SCAP: variants seen among roughly 807,000 people sequenced by gnomAD.
The protein encoded by SCAP is sterol regulatory element-binding protein cleavage-activating protein.
Under a neutral mutation model 123.6 loss-of-function variants are expected in SCAP, and 65 were observed. The ratio of observed to expected loss-of-function variants is 0.53; its 90% confidence interval spans 0.43 to 0.65. SCAP has a LOEUF of 0.65. Among genes scored for constraint, SCAP ranks in the 30% least tolerant of loss-of-function variants. The pLI is 0.00. For synonymous variants in SCAP, 740 were observed against 726.3 expected (o/e 1.02, Z -0.30); for missense variants, 1,398 against 1,712.5 (o/e 0.82, Z 3.24).
At chr3:47,471,257 A>G (rs188892792) in intron 1 of SCAP, among the ~76,000 whole-genome samples, 3 of 152,344 alleles carry the variant, frequency 2.0e-5, no homozygotes, top group Admixed American at 6.5e-5. Context: ...ATAAAATAAA[A>G]TAAGAATAAG....
intron 2 of SCAP, among the ~76,000 whole-genome samples, chr3:47,438,968 T>A (rs927963080): frequency 6.6e-6 from 1 of 152,106 alleles, no homozygotes; most frequent in Admixed American, 6.6e-5. Flanking sequence ...AGGAAGACAG[T>A]GAATAATAAC....
upstream of SCAP, among the ~76,000 whole-genome samples, chr3:47,476,417 A>AAAAAACC (rs1005007953): frequency 2.0e-5 from 3 of 152,186 alleles, no homozygotes; most frequent in Admixed American, 6.5e-5. Context: ...GACAAAAAAC[A>AAAAAACC]AAAAACCCAC....
At chr3:47,434,474 G>A (rs1013010885) in intron 3 of SCAP, among the ~76,000 whole-genome samples, 10 of 152,204 alleles carry the variant, frequency 6.6e-5, no homozygotes, top group Admixed American at 6.5e-4. Context: ...GTTCGGCCCA[G>A]AGACAGTCAA....
Position 47,423,801 on chromosome 3 carries a change from C to T in SCAP, c.1150+132G>A, listed in dbSNP as rs1706010917. ...GCTGCCAGGGCCCAGTGGCCCACTG[C>T]ATATTATGCCGGAGGCAAGAGCAAG... On this transcript the variant is annotated intron_variant, in intron 9 of 22. Coordinates refer to ENST00000265565, the MANE Select transcript of SCAP (RefSeq NM_012235.4). 15 of 680,986 alleles carry T rather than the reference C, an allele frequency of 2.2e-5. No homozygotes were observed. The South Asian group carries it at 2.6e-4, about 12-fold the overall frequency. The allele number at this position is 680,986 out of a possible 1,614,324, so 42.2% of individuals were successfully genotyped here.
At chr3:47,432,553 C>A (rs906898503) in intron 3 of SCAP, among the ~76,000 whole-genome samples, 2 of 152,152 alleles carry the variant, frequency 1.3e-5, no homozygotes, top group East Asian at 3.8e-4. Flanking sequence ...ATGCAATAAA[C>A]GAGTGCTGAA....
chr3:47,447,550 T>A (rs1179712329), intron 1 of SCAP, among the ~76,000 whole-genome samples: 1 of 151,928 alleles, frequency 6.6e-6, no homozygotes, highest in East Asian at 1.9e-4. Flanking sequence ...TGGCTGGGTG[T>A]GGTGGCGAGT....
At chr3:47,455,797 C>T (rs1270734476) in intron 1 of SCAP, among the ~76,000 whole-genome samples, 4 of 152,078 alleles carry the variant, frequency 2.6e-5, no homozygotes, top group African/African-American at 9.7e-5. Flanking sequence ...ACTAAACAAA[C>T]TTCAAGTTTA....
chr3:47,418,740 G>C lies in SCAP; in HGVS notation c.2044C>G (p.Pro682Ala). ...PQDGRSAWPP[P>A]GPIPAGHWEA... is the part of the protein sequence containing the mutation. ...CAGTGCCCAGCAGGTATGGGCCCCG[G>C]TGGGGGCCAGGCACTGCGGCCGTCC... Residue 682 changes from proline (P) to alanine (A), a missense_variant, in exon 14 of 23, where the codon CCG becomes GCG. Transcript: ENST00000265565. 1 of 1,601,164 alleles carries C rather than the reference G, an allele frequency of 6.2e-7. No homozygotes were observed. The highest frequency in any genetic ancestry group is 8.5e-7 in the Non-Finnish European group (1 of 1,175,360).
At chr3:47,443,706 G>T (rs1706914545) in intron 1 of SCAP, among the ~76,000 whole-genome samples, 1 of 152,164 alleles carries the variant, frequency 6.6e-6, no homozygotes, top group African/African-American at 2.4e-5. Context: ...AGTTGTTCCT[G>T]GGAGTGCAAA....
chr3:47,463,419 G>A (rs1463256442), intron 1 of SCAP, among the ~76,000 whole-genome samples: 4 of 152,166 alleles, frequency 2.6e-5, no homozygotes, highest in Non-Finnish European at 5.9e-5. Context: ...CACTCCAGTG[G>A]GCCGGGGTGC....
At chr3:47,421,831 T>G (rs1397445395) in intron 10 of SCAP, among the ~76,000 whole-genome samples, 1 of 152,270 alleles carries the variant, frequency 6.6e-6, no homozygotes, top group African/African-American at 2.4e-5. Flanking sequence ...CTGCAACTCC[T>G]TCTGGAATGG....
Position 47,458,982 on chromosome 3 carries a change from T to A in SCAP, c.-98-15891A>T, listed in dbSNP as rs531985127. On this transcript the variant is annotated intron_variant, in intron 1 of 22. Transcript: ENST00000265565. Reference sequence around the variant, plus strand: ...CACCATGCCTGGCTAATTTTTTATTTTCAGTAGAGATGGGGTTTCACCATG... The same window carrying A: ...CACCATGCCTGGCTAATTTTTTATTATCAGTAGAGATGGGGTTTCACCATG... Among the ~76,000 whole-genome samples, 41 of 152,282 alleles carry A rather than the reference T, an allele frequency of 2.7e-4. No individual in the cohort carries two copies. In the Middle Eastern group the frequency reaches 0.01, roughly 38 times the overall value.
intron 2 of SCAP, among the ~76,000 whole-genome samples, chr3:47,438,932 C>T (rs1056984040): frequency 2.6e-5 from 4 of 151,962 alleles, no homozygotes; most frequent in African/African-American, 9.7e-5. Context: ...TCTGCTTGTG[C>T]TTTCTGGCTG....
intron 1 of SCAP, among the ~76,000 whole-genome samples, chr3:47,454,299 C>T (rs1393662716): frequency 4.7e-5 from 7 of 150,320 alleles, no homozygotes; most frequent in East Asian, 2.0e-4. Flanking sequence ...CCCCGGGGGA[C>T]GGAGCCTGCA....
chr3:47,447,322 AAGC>A (rs2107937096), intron 1 of SCAP, among the ~76,000 whole-genome samples: 1 of 152,210 alleles, frequency 6.6e-6, no homozygotes, highest in East Asian at 1.9e-4. Context: ...TGAACCCAGA[AAGC>A]AGAGGTTGAG....
In SCAP at chr3:47,417,678, G is replaced by T; in HGVS notation, c.2596C>A (p.Leu866Ile). The part of the protein sequence containing the change: ...HRPRGPPPPS[L>I]FGDQPDLTCL... ...GTGAGGTCAGGCTGGTCCCCGAAGA[G>T]GGAAGGCGGCGGAGGGCCCCGGGGG... Residue 866 changes from leucine (L) to isoleucine (I), a missense_variant, in exon 17 of 23, where the codon CTC becomes ATC. By Grantham distance (5) the Leu-to-Ile change is conservative. This residue lies in a region of SCAP where 828 missense variants were observed against 882.5 expected (regional missense o/e 0.94). Transcript: ENST00000265565. The T allele has an allele frequency of 2.5e-6, 4 of 1,608,958 alleles. No individual in the cohort carries two copies. Among genetic ancestry groups the T allele is most frequent in the Non-Finnish European group, 3.4e-6 (4 of 1,178,728 alleles).
At chr3:47,464,761 C>G (rs1463780659) in intron 1 of SCAP, among the ~76,000 whole-genome samples, 1 of 152,134 alleles carries the variant, frequency 6.6e-6, no homozygotes, top group Non-Finnish European at 1.5e-5. Flanking sequence ...AGAAATTAAG[C>G]AAGAACCTTC....
rs575171260 is a variant in SCAP at position 47,469,339 on chromosome 3, C to T, written c.-99+6460G>A. Among the ~76,000 whole-genome samples, 94 of 151,952 alleles carry T rather than the reference C, an allele frequency of 6.2e-4. 1 individual carries two copies. The South Asian group carries it at 0.014, about 23-fold the overall frequency. On this transcript the variant is annotated intron_variant, in intron 1 of 22. Coordinates refer to ENST00000265565, the MANE Select transcript of SCAP (RefSeq NM_012235.4). ...TCCAGCTTGAGTGACAAGGAGACTC[C>T]GTCTCAAAAAAAAAATCACCAAATA...
intron 1 of SCAP, among the ~76,000 whole-genome samples, chr3:47,465,169 T>C (rs539896590): frequency 1.5e-5 from 2 of 129,618 alleles, no homozygotes; most frequent in Non-Finnish European, 3.0e-5. Context: ...GATGATATTC[T>C]TTTTTTTTTT....
Sources: gnomAD v4.1 joint callset for allele counts (sites outside exome capture counted in the v4.1 genomes callset) on GRCh38, gnomAD v4.1.1 for gene constraint, gnomAD v4.1.1 regional missense constraint, MANE v1.5 for transcripts, NCBI Gene and HGNC (gene_info 2026-07-23, HGNC 2026-07-21) for gene names.